BRINP1: variants seen among roughly 807,000 people sequenced by gnomAD.
BRINP1 encodes the protein BMP/retinoic acid inducible neural specific 1.
A neutral mutation model predicts 72.9 loss-of-function variants in BRINP1; 17 were observed. That is an observed-to-expected ratio of 0.23 (90% confidence interval 0.16 to 0.35). BRINP1 has a LOEUF of 0.35. BRINP1 is among the 10% of genes least tolerant of loss of function. The pLI is 1.00. For synonymous variants in BRINP1, 418 were observed against 378.5 expected, an observed-to-expected ratio of 1.10 and a Z score of -1.21; for missense variants, 850 against 1,001.6, an observed-to-expected ratio of 0.85 and a Z score of 2.04.
At chr9:119,306,793 C>T (rs1831001790) in intron 2 of BRINP1, among the ~76,000 whole-genome samples, 1 of 152,058 alleles carries the variant, frequency 6.6e-6, no homozygotes, top group Non-Finnish European at 1.5e-5. Flanking sequence ...AAAATGGATC[C>T]ACCTCTCTTC....
intron 1 of BRINP1, among the ~76,000 whole-genome samples, chr9:119,358,108 G>C (rs111549604): frequency 6.6e-6 from 1 of 152,136 alleles, no homozygotes; most frequent in Non-Finnish European, 1.5e-5. Context: ...GAGTGTTACT[G>C]TAAAGGTTAA....
At chr9:119,318,000 T>C (rs1358758369) in intron 1 of BRINP1, among the ~76,000 whole-genome samples, 3 of 152,220 alleles carry the variant, frequency 2.0e-5, no homozygotes, top group African/African-American at 7.2e-5. Context: ...GGTGATTCAA[T>C]TTATTGCAAT....
At chr9:119,277,803 A>G (rs891182819) in intron 2 of BRINP1, among the ~76,000 whole-genome samples, 5 of 152,292 alleles carry the variant, frequency 3.3e-5, no homozygotes, top group Admixed American at 2.6e-4. Context: ...GGCAGTAAGT[A>G]TGGCATCTAT....
At chr9:119,300,284 T>A (rs1001911408) in intron 2 of BRINP1, among the ~76,000 whole-genome samples, 7 of 152,140 alleles carry the variant, frequency 4.6e-5, no homozygotes, top group East Asian at 1.9e-4. Flanking sequence ...ATAGAAAAAA[T>A]TTTAAAAAGA....
At chr9:119,262,289 T>A (rs1398478664) in intron 2 of BRINP1, among the ~76,000 whole-genome samples, 1 of 152,076 alleles carries the variant, frequency 6.6e-6, no homozygotes, top group Admixed American at 6.6e-5. Flanking sequence ...GCATCATATT[T>A]CTTACTTACT....
intron 3 of BRINP1, among the ~76,000 whole-genome samples, chr9:119,245,309 C>T (rs879267824): frequency 6.6e-5 from 10 of 152,160 alleles, no homozygotes; most frequent in African/African-American, 9.7e-5. Context: ...CATATCTAAG[C>T]AGGAATAGGC....
At chr9:119,341,403 C>T (rs1831404826) in intron 1 of BRINP1, among the ~76,000 whole-genome samples, 2 of 152,178 alleles carry the variant, frequency 1.3e-5, no homozygotes, top group Non-Finnish European at 1.5e-5. Flanking sequence ...TTTTCTCTAA[C>T]ATTTGTAAAT....
chr9:119,192,805 C>G (rs1829695689), intron 7 of BRINP1, among the ~76,000 whole-genome samples: 1 of 152,034 alleles, frequency 6.6e-6, no homozygotes, highest in East Asian at 1.9e-4. Context: ...CCCATATTAA[C>G]TGCAATATTA....
intron 1 of BRINP1, among the ~76,000 whole-genome samples, chr9:119,341,313 G>C (rs560115872): frequency 6.6e-6 from 1 of 152,260 alleles, no homozygotes; most frequent in East Asian, 1.9e-4. Flanking sequence ...TAATGAGAAA[G>C]AAAAATCCCT....
chr9:119,340,664 C>G (rs1831397122), intron 1 of BRINP1, among the ~76,000 whole-genome samples: 1 of 152,168 alleles, frequency 6.6e-6, no homozygotes, highest in South Asian at 2.1e-4. Context: ...AAGTAAGACC[C>G]TAACTCATTT....
At chr9:119,212,511 T>C (rs1461471477) in intron 6 of BRINP1, among the ~76,000 whole-genome samples, 1 of 152,198 alleles carries the variant, frequency 6.6e-6, no homozygotes, top group Non-Finnish European at 1.5e-5. Flanking sequence ...GGAATTCCAT[T>C]ACCAATCCTG....
At chr9:119,326,324 T>C (rs1475011236) in intron 1 of BRINP1, among the ~76,000 whole-genome samples, 2 of 152,178 alleles carry the variant, frequency 1.3e-5, no homozygotes, top group East Asian at 3.8e-4. Flanking sequence ...CAGTGTGAAC[T>C]ACCACAAATC....
At position 119,167,682 on chromosome 9, in the gene BRINP1, T is replaced by C. The variant is rs200320353; in HGVS notation, c.1688A>G (p.Tyr563Cys). 226 of 1,613,986 alleles carry C rather than the reference T, an allele frequency of 1.4e-4. No individual in the cohort carries two copies. The highest frequency in any genetic ancestry group is 1.8e-4 in the Non-Finnish European group (216 of 1,180,034). Residue 563 changes from tyrosine (Y) to cysteine (C), a missense_variant, in exon 8 of 8, where the codon TAT (tyrosine) becomes TGT (cysteine). By Grantham distance (194) the Tyr-to-Cys change is radical. Transcript: ENST00000265922. This position sits in a 1 kb window ranked among gnomAD's most constrained non-coding sequence, Gnocchi z 4.3. ...NSSLDPMFFV[Y>C]VNPFSGSHSE... Reference sequence around the variant, plus strand: ...ATGGCTCCCGCTAAAGGGGTTGACATAGACAAAGAACATGGGGTCCAGGCT... The same window carrying C: ...ATGGCTCCCGCTAAAGGGGTTGACACAGACAAAGAACATGGGGTCCAGGCT...
chr9:119,177,115 T>G (rs1829498375), intron 7 of BRINP1, among the ~76,000 whole-genome samples: 3 of 152,182 alleles, frequency 2.0e-5, no homozygotes, highest in African/African-American at 7.2e-5. Flanking sequence ...TGAATCAATG[T>G]TTGATGAATG....
intron 4 of BRINP1, among the ~76,000 whole-genome samples, chr9:119,240,865 A>T (rs1428465077): frequency 6.6e-6 from 1 of 152,212 alleles, no homozygotes; most frequent in East Asian, 1.9e-4. Context: ...GAAAGTCTTA[A>T]TATAAGGCTA....
intron 7 of BRINP1, among the ~76,000 whole-genome samples, chr9:119,187,498 G>A (rs531877769): frequency 2.1e-4 from 32 of 151,486 alleles, no homozygotes; most frequent in Admixed American, 1.3e-3. Context: ...ACACCAGTGC[G>A]CCCACCCAGA....
chr9:119,350,599 T>C (rs907417936), intron 1 of BRINP1, among the ~76,000 whole-genome samples: 3 of 152,070 alleles, frequency 2.0e-5, no homozygotes, highest in African/African-American at 7.3e-5. Context: ...TCTCTCCACA[T>C]GTATTAAGAA....
At chr9:119,319,013 C>T (rs1401253847) in intron 1 of BRINP1, among the ~76,000 whole-genome samples, 2 of 152,232 alleles carry the variant, frequency 1.3e-5, no homozygotes, top group South Asian at 2.1e-4. Flanking sequence ...TGAGGGGATG[C>T]TGCTGGCATC....
At chr9:119,269,814 A>G (rs950611562) in intron 2 of BRINP1, among the ~76,000 whole-genome samples, 1 of 151,964 alleles carries the variant, frequency 6.6e-6, no homozygotes, top group African/African-American at 2.4e-5. Context: ...TTCAGCAAAT[A>G]TTCATTAGGA....
Sources: gnomAD v4.1 joint callset for allele counts (sites outside exome capture counted in the v4.1 genomes callset) on GRCh38, gnomAD v4.1.1 for gene constraint, Gnocchi (gnomAD v3.1) non-coding constraint, MANE v1.5 for transcripts, NCBI Gene and HGNC (gene_info 2026-07-23, HGNC 2026-07-21) for gene names.